LAMB4: variants seen among roughly 807,000 people sequenced by gnomAD.
The protein encoded by LAMB4 is laminin subunit beta-4.
Under a neutral mutation model 199.2 loss-of-function variants are expected in LAMB4, and 196 were observed. The observed-to-expected ratio is 0.98, with a 90% CI of 0.88 to 1.11. The LOEUF (loss-of-function observed/expected upper bound fraction) is 1.11, where lower values mean the gene tolerates loss of function less well. Ranked by LOEUF, LAMB4 falls within the 50% of genes least tolerant of loss-of-function variation. The pLI is 0.00. For missense variants in LAMB4, 2,080 were observed against 2,171.2 expected (o/e 0.96, Z 0.83); for synonymous variants, 744 against 770.6 (o/e 0.97, Z 0.57).
rs548847160 is a variant in LAMB4, at chr7:108,116,267, G to A, written c.35-106C>T. Reference sequence around the variant, plus strand: ...AAAGTTATGTATTTATTTAATATTGGCCAAAGATGTATCAGACTTTTAAGT... The same window carrying A: ...AAAGTTATGTATTTATTTAATATTGACCAAAGATGTATCAGACTTTTAAGT... On this transcript the variant is annotated intron_variant, in intron 2 of 33. Transcript: ENST00000388781. 9 of 1,082,124 alleles carry A rather than the reference G, an allele frequency of 8.3e-6. No individual in the cohort carries two copies. In the East Asian group the frequency reaches 1.3e-4, roughly 15 times the overall value. The allele number at this position is 1,082,124 out of a possible 1,614,324, so 67.0% of individuals were successfully genotyped here.
chr7:108,072,236 C>T (rs528749153), intron 17 of LAMB4, among the ~76,000 whole-genome samples: 54 of 152,216 alleles, frequency 3.5e-4, no homozygotes, highest in South Asian at 2.1e-3. Context: ...AACATGTTTA[C>T]AACACACCTG....
At chr7:108,114,728 A>G (rs1584781324) in intron 3 of LAMB4, among the ~76,000 whole-genome samples, 1 of 152,326 alleles carries the variant, frequency 6.6e-6, no homozygotes, top group South Asian at 2.1e-4. Flanking sequence ...GACCACTAAC[A>G]TTAGGCTTAT....
At chr7:108,026,835 C>T (rs2034854863) in intron 33 of LAMB4, 17 of 510,328 alleles carry the variant, frequency 3.3e-5, no homozygotes, top group East Asian at 2.2e-4. Context: ...CTTGTGGTTC[C>T]GCCCCTTCTC....
Position 108,030,817 on chromosome 7 carries a change from T to A in LAMB4, c.4981A>T (p.Ser1661Cys), listed in dbSNP as rs753984757. 1 of 1,614,040 alleles carries A rather than the reference T, an allele frequency of 6.2e-7. No homozygotes were observed. Among genetic ancestry groups the A allele is most frequent in the Non-Finnish European group, 8.5e-7 (1 of 1,179,962 alleles). Residue 1661 changes from serine to cysteine, a missense_variant, in exon 32 of 34, where the codon AGT (serine) becomes TGT (cysteine). Coordinates refer to ENST00000388781, the MANE Select transcript of LAMB4 (RefSeq NM_007356.3). Reference sequence around the variant, plus strand: ...GTAGAACTAATGACCTTCTCAAGACTCCCAGCCTGGTGTTGGGCAGATTCA... The same window carrying A: ...GTAGAACTAATGACCTTCTCAAGACACCCAGCCTGGTGTTGGGCAGATTCA... ...QAESAQHQAG[S>C]LEKEFVELKK...
chr7:108,030,698 C>A, intron 32 of LAMB4, 108 bp downstream of exon 32: 2 of 1,016,242 alleles, frequency 2.0e-6, no homozygotes, highest in South Asian at 1.5e-5. Context: ...AGTCATGGAC[C>A]AGCACAAAGG....
intron 6 of LAMB4, 118 bp downstream of exon 6, chr7:108,107,513 A>T: frequency 1.3e-6 from 1 of 757,944 alleles, no homozygotes. Context: ...TTCATTTTCA[A>T]AAAAGCAACA....
chr7:108,063,718 C>G, intron 22 of LAMB4, 43 bp downstream of exon 22: 15 of 1,513,114 alleles, frequency 9.9e-6, no homozygotes, highest in Non-Finnish European at 1.4e-5. Context: ...TATGAGCTGT[C>G]ACTCAGCTGA....
chr7:108,068,982 G>C (rs74301079), intron 18 of LAMB4, among the ~76,000 whole-genome samples: 2,263 of 152,146 alleles, frequency 0.015, 72 homozygotes, highest in East Asian at 0.13. Flanking sequence ...CACCATGCCC[G>C]GTCCCCCTTA....
intron 31 of LAMB4, among the ~76,000 whole-genome samples, chr7:108,033,712 T>C (rs1430504286): frequency 6.6e-6 from 1 of 150,838 alleles, no homozygotes. Flanking sequence ...CCTGGCCAGA[T>C]GGAGCATTTC....
chr7:108,104,461 G>A (rs756257316), intron 9 of LAMB4, 38 bp downstream of exon 9: 1 of 1,611,736 alleles, frequency 6.2e-7, no homozygotes, highest in Non-Finnish European at 8.5e-7. Flanking sequence ...GAAATGCAGA[G>A]CACACTCAGT....
Position 108,024,003 on chromosome 7 carries a change from G to A in LAMB4, c.*36C>T. ...CCAGGGGCTTGTACATCAGAAACCA[G>A]AAACAAAGGCACAAGCTTTTGCTCT... On this transcript the variant is annotated 3_prime_UTR_variant, in exon 34 of 34. Transcript: ENST00000388781. 6.4e-7 allele frequency: 1 copy of A among 1,566,404 alleles called. No individual in the cohort carries two copies. The highest frequency in any genetic ancestry group is 8.6e-7 in the Non-Finnish European group (1 of 1,161,466).
At chr7:108,012,219 TAAC>T in the LAMB4 span, among the ~76,000 whole-genome samples, 2 of 151,900 alleles carry the variant, frequency 1.3e-5, no homozygotes, top group Non-Finnish European at 2.9e-5. Context: ...ATAGAAATGA[TAAC>T]AATTTCTAAT....
At chr7:108,092,315 C>G in intron 13 of LAMB4, 22 bp downstream of exon 13, 2 of 1,572,040 alleles carry the variant, frequency 1.3e-6, no homozygotes, top group Non-Finnish European at 1.8e-6. Context: ...AGGAATATTG[C>G]TATAAAACTT....
At chr7:108,095,424 A>T (rs967562133) in intron 11 of LAMB4, 87 bp from the exon 12 acceptor site, 1 of 971,332 alleles carries the variant, frequency 1.0e-6, no homozygotes, top group Non-Finnish European at 1.6e-6. Context: ...AGCAAGAAGC[A>T]TAACCGCAAG....
Position 108,063,841 on chromosome 7 carries a change from C to T in LAMB4, c.2981G>A (p.Cys994Tyr). The T allele has an allele frequency of 6.8e-6, 11 of 1,614,200 alleles. No individual in the cohort carries two copies. Among genetic ancestry groups the T allele is most frequent in the South Asian group, 1.1e-5 (1 of 91,084 alleles). The change falls in exon 22 of 34, where the codon TGT becomes TAT. Residue 994 changes from cysteine to tyrosine, a missense_variant. Physicochemically the swap from Cys to Tyr is radical, Grantham distance 194 (BLOSUM62 -2). Coordinates refer to ENST00000388781, the MANE Select transcript of LAMB4 (RefSeq NM_007356.3). ...GTTTGCGCCCTGAGTGTTGTGCAAA[C>T]ATCGAAGGCACTCCCCTGTTACCCG... ...CSRVTGECLR[C>Y]LHNTQGANCQ...
At chr7:108,091,808 G>T (rs770836431) in intron 13 of LAMB4, 32 bp from the exon 14 acceptor site, 12 of 1,611,040 alleles carry the variant, frequency 7.4e-6, no homozygotes, top group Non-Finnish European at 1.0e-5. Flanking sequence ...ATGAAAAAAT[G>T]CAAAGTAGGT....
intron 33 of LAMB4, among the ~76,000 whole-genome samples, chr7:108,028,472 ATTTTTTTTTTTT>A (rs1195925912): frequency 2.7e-5 from 3 of 111,816 alleles, no homozygotes; most frequent in African/African-American, 1.0e-4. Context: ...AAAAAAGGGC[ATTTTTTTTTTTT>A]TTTTTTTTTT....
rs1472075899 is a variant in LAMB4 at position 108,116,158 on chromosome 7, CACCCTTGAACACAACAGAAATA to C, written c.35-19_37del. The C allele has an allele frequency of 6.2e-7, 1 of 1,612,994 alleles. No homozygotes were observed. Among genetic ancestry groups the C allele is most frequent in the East Asian group, 2.2e-5 (1 of 44,866 alleles). Reference sequence around the variant, plus strand: ...ATCTTGAGCTTTTGAGTAACTGAGCCACCCTTGAACACAACAGAAATAGCTTACACGGAAGGCAGTCTAAGGA... The same window carrying C: ...ATCTTGAGCTTTTGAGTAACTGAGCCGCTTACACGGAAGGCAGTCTAAGGA... On this transcript the variant is annotated splice_acceptor_variant and splice_polypyrimidine_tract_variant and coding_sequence_variant and intron_variant, in exon 3 of 34. Coordinates refer to ENST00000388781, the MANE Select transcript of LAMB4 (RefSeq NM_007356.3). LOFTEE classifies it high-confidence loss of function.
intron 11 of LAMB4, among the ~76,000 whole-genome samples, chr7:108,096,849 T>C (rs770895760): frequency 1.3e-4 from 18 of 139,494 alleles, no homozygotes; most frequent in African/African-American, 4.1e-4. Flanking sequence ...GGTGAGAAAA[T>C]TGCTTGAGTC....
Sources: gnomAD v4.1 joint callset for allele counts (sites outside exome capture counted in the v4.1 genomes callset) on GRCh38, gnomAD v4.1.1 for gene constraint, MANE v1.5 for transcripts, NCBI Gene and HGNC (gene_info 2026-07-23, HGNC 2026-07-21) for gene names.